Variants in HEATR4 observed in about 807,000 individuals in gnomAD.
The protein encoded by HEATR4 is HEAT repeat containing 4.
Under a neutral mutation model 108.8 loss-of-function variants are expected in HEATR4, and 95 were observed. The observed-to-expected ratio is 0.87, with a 90% CI of 0.74 to 1.04. The LOEUF (loss-of-function observed/expected upper bound fraction) is 1.04, where lower values mean the gene tolerates loss of function less well. Among genes scored for constraint, HEATR4 ranks in the 50% least tolerant of loss-of-function variants. HEATR4 has a pLI of 0.00. For synonymous variants in HEATR4, 443 were observed against 459.4 expected, an observed-to-expected ratio of 0.96 and a Z score of 0.46; for missense variants, 1,152 against 1,253.8, an observed-to-expected ratio of 0.92 and a Z score of 1.23.
the HEATR4 span, among the ~76,000 whole-genome samples, chr14:73,564,964 G>A: frequency 2.0e-5 from 3 of 151,900 alleles, no homozygotes; most frequent in African/African-American, 7.2e-5. Flanking sequence ...TTTCATCAGT[G>A]TGATGGAAAA....
rs1198883434 is a variant in HEATR4, at chr14:73,496,630, G to A, written c.2596C>T (p.Gln866Ter). 5.0e-6 allele frequency: 8 copies of A among 1,603,366 alleles called. No homozygotes were observed. The highest frequency in any genetic ancestry group is 1.3e-5 in the African/African-American group (1 of 74,644). ...KILNLGNEGN[Q>*]EMLQEIKNRI... ...TTCTTGATCTCCTGAAGCATTTCTTGGTTTCCTTCATTTCCTAAGTTGAGT... is the reference window on the plus strand; with the variant it reads ...TTCTTGATCTCCTGAAGCATTTCTTAGTTTCCTTCATTTCCTAAGTTGAGT... The change falls in exon 15 of 18, where the codon CAA becomes TAA. Residue 866 changes from glutamine to a stop codon, truncating the protein, a stop_gained. Coordinates refer to ENST00000553558, the MANE Select transcript of HEATR4 (RefSeq NM_001220484.1). LOFTEE classifies it high-confidence loss of function.
intron 5 of HEATR4, among the ~76,000 whole-genome samples, chr14:73,514,796 C>T (rs1004017948): frequency 8.5e-5 from 13 of 152,060 alleles, no homozygotes; most frequent in Admixed American, 1.3e-4. Context: ...TGGCCGGGTA[C>T]GGTGGCTTTT....
At position 73,519,153 on chromosome 14, in the gene HEATR4, C is replaced by T; in HGVS notation, c.1080G>A (p.Gln360=). Reference sequence around the variant, plus strand: ...TCTTTGCACCAATCTGGTGGATGATCTGGACTTCATCTGTGAACAGACAAA... The same window carrying T: ...TCTTTGCACCAATCTGGTGGATGATTTGGACTTCATCTGTGAACAGACAAA... ...FEQEIYFDEV[Q]IIHQIGAKRD... The change falls in exon 5 of 18, where the codon CAG becomes CAA. Residue 360 remains glutamine, a synonymous_variant. Transcript: ENST00000553558. 1 of 1,612,758 alleles carries T rather than the reference C, an allele frequency of 6.2e-7. No homozygotes were observed. Among genetic ancestry groups the T allele is most frequent in the South Asian group, 1.1e-5 (1 of 90,792 alleles).
the HEATR4 span, chr14:73,573,464 G>T: frequency 6.2e-7 from 1 of 1,613,740 alleles, no homozygotes; most frequent in Non-Finnish European, 8.5e-7. Flanking sequence ...CTAGTCTGCT[G>T]GCTGGGAAGG....
chr14:73,489,859 A>C (rs1215490734), intron 17 of HEATR4, among the ~76,000 whole-genome samples: 1 of 152,228 alleles, frequency 6.6e-6, no homozygotes, highest in Non-Finnish European at 1.5e-5. Flanking sequence ...TATTGGAGAA[A>C]AGAGGGAGAG....
At position 73,490,889 on chromosome 14, in the gene HEATR4, G is replaced by A. The variant is rs978531033; in HGVS notation, c.2844+2177C>T. 41 of 1,000,388 alleles carry A rather than the reference G, an allele frequency of 4.1e-5. No individual in the cohort carries two copies. In the East Asian group the frequency reaches 1.3e-3, roughly 33 times the overall value. 62.0% of individuals were successfully genotyped at this position (1,000,388 alleles called of 1,614,324 possible). ...GGAGGGGCCGAATAGAAGAATGATG[G>A]GCGTGGCCAACCCCGAGGTGGCTGG... On this transcript the variant is annotated intron_variant, in intron 17 of 17. Transcript: ENST00000553558.
At chr14:73,583,826 C>T in the HEATR4 span, among the ~76,000 whole-genome samples, 2 of 151,428 alleles carry the variant, frequency 1.3e-5, 1 homozygote, top group Non-Finnish European at 2.9e-5. Flanking sequence ...ATGGTGAAAC[C>T]CCGTCTCTAC....
At chr14:73,593,906 T>C in the HEATR4 span, 1 of 1,609,182 alleles carries the variant, frequency 6.2e-7, no homozygotes, top group Non-Finnish European at 8.5e-7. Flanking sequence ...CATCCCCAGG[T>C]TCTCCTCATG....
chr14:73,618,733 T>C, the HEATR4 span, among the ~76,000 whole-genome samples: 1 of 152,314 alleles, frequency 6.6e-6, no homozygotes, highest in South Asian at 2.1e-4. Flanking sequence ...TCCTCATAAA[T>C]ATTAGGGGAT....
intron 1 of HEATR4, 109 bp downstream of exon 1, chr14:73,558,642 C>T (rs1176546735): frequency 1.3e-5 from 2 of 151,434 alleles, no homozygotes; most frequent in Non-Finnish European, 2.9e-5. Context: ...AGGCATGAGC[C>T]ACTGCACCAG....
chr14:73,571,120 C>T, the HEATR4 span: 2 of 151,950 alleles, frequency 1.3e-5, no homozygotes, highest in African/African-American at 4.8e-5. Context: ...GCAGCTGCTG[C>T]CCCCTGCAGG....
At chr14:73,604,164 C>CTTTTTTTTT in the HEATR4 span, among the ~76,000 whole-genome samples, 88 of 120,778 alleles carry the variant, frequency 7.3e-4, 4 homozygotes, top group African/African-American at 1.9e-3. Context: ...TTGCTAATTT[C>CTTTTTTTTT]TTTTTTTTTT....
intron 8 of HEATR4, among the ~76,000 whole-genome samples, chr14:73,509,056 G>T (rs115251971): frequency 0.027 from 4,032 of 152,074 alleles, 190 homozygotes; most frequent in African/African-American, 0.093. Context: ...TTATAGAGAT[G>T]GGGTCTTGTT....
rs112608179 is a variant in HEATR4, at chr14:73,510,141, G to A, written c.1559-668C>T. 9.0e-3 allele frequency among the ~76,000 whole-genome samples: 1,367 copies of A among 151,858 alleles called. 28 individuals are homozygous for A. Among genetic ancestry groups the A allele is most frequent in the African/African-American group, 0.031 (1,286 of 41,450 alleles). On this transcript the variant is annotated intron_variant, in intron 7 of 17. Transcript: ENST00000553558. ...CTCCCAAAGTGCTGGGATTACAGAC[G>A]TGTGCCACCGCCCCCAGCTGAGCCT... is the stretch of plus-strand genomic sequence containing the variant.
rs1885103166 is a variant in HEATR4 at position 73,478,521 on chromosome 14, A to G, written c.*85T>C. 2.4e-6 allele frequency: 2 copies of G among 839,384 alleles called. No individual in the cohort carries two copies. The highest frequency in any genetic ancestry group is 3.9e-6 in the Non-Finnish European group (2 of 511,230). 52.0% of individuals were successfully genotyped at this position (839,384 alleles called of 1,614,324 possible). The stretch of plus-strand genomic sequence containing the variant: ...ATTTCTCTTTATAAACATAGTGACA[A>G]CAAGATTGTACAGTATCAATTAAAA... On this transcript the variant is annotated 3_prime_UTR_variant, in exon 18 of 18. Coordinates refer to ENST00000553558, the MANE Select transcript of HEATR4 (RefSeq NM_001220484.1).
chr14:73,582,921 T>G, the HEATR4 span: 1 of 152,142 alleles, frequency 6.6e-6, no homozygotes, highest in African/African-American at 2.4e-5. Flanking sequence ...TATGCTGCAC[T>G]TCTTTCGCTG....
At chr14:73,529,412 C>T (rs980800133) in intron 2 of HEATR4, among the ~76,000 whole-genome samples, 1 of 151,452 alleles carries the variant, frequency 6.6e-6, no homozygotes, top group African/African-American at 2.4e-5. Context: ...AGACCAGGCC[C>T]TGGAATGAGC....
chr14:73,528,747 T>G (rs574320882), intron 2 of HEATR4, among the ~76,000 whole-genome samples: 1 of 152,292 alleles, frequency 6.6e-6, no homozygotes, highest in South Asian at 2.1e-4. Context: ...AACTAAAATA[T>G]ATGTGTGAGG....
rs35601077 is a variant in HEATR4 at position 73,515,671 on chromosome 14, C to CA, written c.1211-1438dup. Among the ~76,000 whole-genome samples the CA allele has an allele frequency of 9.8e-3, 329 of 33,510 alleles. 31 individuals carry two copies. Among genetic ancestry groups the CA allele is most frequent in the African/African-American group, 0.02 (198 of 9,886 alleles). The allele number at this position is 33,510 out of a possible 152,430, so 22.0% of individuals were successfully genotyped here. Reference sequence around the variant, plus strand: ...TGGGTGACAAAGCGAGACTCCATCTCAAAAAAAAAAAAAAAAAAAAAAAAA... The same window carrying CA: ...TGGGTGACAAAGCGAGACTCCATCTCAAAAAAAAAAAAAAAAAAAAAAAAAA... On this transcript the variant is annotated intron_variant, in intron 5 of 17. Transcript: ENST00000553558.
Sources: gnomAD v4.1 joint callset for allele counts (sites outside exome capture counted in the v4.1 genomes callset) on GRCh38, gnomAD v4.1.1 for gene constraint, MANE v1.5 for transcripts, NCBI Gene and HGNC (gene_info 2026-07-23, HGNC 2026-07-21) for gene names.